The following STARD10 variants were observed in gnomAD, a reference collection of about 807,000 sequenced individuals.
The protein encoded by STARD10 is START domain-containing protein 10.
In STARD10, 24 loss-of-function variants were observed where a neutral mutation model predicts 36.0. The ratio of observed to expected loss-of-function variants is 0.67; its 90% CI spans 0.48 to 0.94. The LOEUF (loss-of-function observed/expected upper bound fraction) is 0.94. Ranked by LOEUF, STARD10 falls within the 40% of genes least tolerant of loss-of-function variation. The pLI, the probability that STARD10 is intolerant of heterozygous loss-of-function variation, is 0.00. For synonymous variants in STARD10, 156 were observed against 161.9 expected (o/e 0.96, Z 0.28); for missense variants, 335 against 396.6 (o/e 0.84, Z 1.32).
At position 72,754,740 on chromosome 11, in the gene STARD10, G is replaced by A. The variant is rs1333861225; in HGVS notation, c.*157C>T. ...AGTGATGAGCCGGCTGAGGCTGTGG[G>A]ATCGTTTATTGGGGCTCTGTCCAGC... is the stretch of plus-strand genomic sequence containing the variant. On this transcript the variant is annotated 3_prime_UTR_variant, in exon 7 of 7. Transcript: ENST00000334805. 8.7e-7 allele frequency: 1 copy of A among 1,142,932 alleles called. No homozygotes were observed. Among genetic ancestry groups the A allele is most frequent in the Non-Finnish European group, 1.3e-6 (1 of 795,158 alleles). The allele number at this position is 1,142,932 out of a possible 1,614,324, so 70.8% of individuals were successfully genotyped here.
Position 72,781,016 on chromosome 11 carries a change from C to T in STARD10, c.166G>A (p.Val56Met). ...GTCCGATCCATCTCCACAGCCTGCACCCAGACAGACACCCCAGCCCTGCTA... is the reference window on the plus strand; with the variant it reads ...GTCCGATCCATCTCCACAGCCTGCATCCAGACAGACACCCCAGCCCTGCTA... Reference protein sequence around the residue: ...TYSRAGVSVWVQAVEMDRTLH... With the variant: ...TYSRAGVSVWMQAVEMDRTLH... Residue 56 changes from valine (V) to methionine (M), a missense_variant, in exon 2 of 7, where the codon GTG becomes ATG. Coordinates refer to ENST00000334805, the MANE Select transcript of STARD10 (RefSeq NM_006645.3). The surrounding 1 kb of genome is among the most constrained non-coding windows in gnomAD (Gnocchi z 4.7). The T allele has an allele frequency of 6.2e-7, 1 of 1,614,178 alleles. No individual in the cohort carries two copies. Among genetic ancestry groups the T allele is most frequent in the Non-Finnish European group, 8.5e-7 (1 of 1,180,030 alleles).
intron 2 of STARD10, among the ~76,000 whole-genome samples, chr11:72,774,759 C>A (rs554196958): frequency 3.9e-5 from 6 of 152,234 alleles, no homozygotes; most frequent in Non-Finnish European, 8.8e-5. Flanking sequence ...ACTGGAACAG[C>A]CCCGCAGAGG....
At chr11:72,773,101 G>C (rs926492439) in intron 2 of STARD10, among the ~76,000 whole-genome samples, 5 of 152,196 alleles carry the variant, frequency 3.3e-5, no homozygotes, top group Non-Finnish European at 7.3e-5. Context: ...AAACAACCGG[G>C]ACAGGAACAA....
At position 72,755,749 on chromosome 11, in the gene STARD10, G is replaced by C. The variant is rs747164170; in HGVS notation, c.582C>G (p.Ser194=). ...TYLAQVDPKG[S]LPKWVVNKSS... ...ATTTATTCACCACCCACTTGGGTAA[G>C]GAGCCTGTGAGGGCAGGGAAGGGAG... The change falls in exon 6 of 7, where the codon TCC becomes TCG. Residue 194 remains serine (S), a synonymous_variant. Transcript: ENST00000334805. The C allele has an allele frequency of 6.2e-7, 1 of 1,612,946 alleles. No individual in the cohort carries two copies. The highest frequency in any genetic ancestry group is 1.1e-5 in the South Asian group (1 of 90,946).
chr11:72,785,365 G>A (rs1859058117), intron 1 of STARD10, among the ~76,000 whole-genome samples: 2 of 151,878 alleles, frequency 1.3e-5, no homozygotes, highest in Admixed American at 1.3e-4. Context: ...AGGAGTTCAA[G>A]ACCAGCCTGG....
intron 2 of STARD10, chr11:72,780,294 C>T (rs534038544): frequency 9.0e-5 from 35 of 389,436 alleles, no homozygotes; most frequent in Admixed American, 4.0e-4. Flanking sequence ...TGGCTGTGAG[C>T]GACTGATGTG....
intron 2 of STARD10, among the ~76,000 whole-genome samples, chr11:72,762,011 C>T (rs1006847770): frequency 1.8e-4 from 26 of 143,086 alleles, no homozygotes; most frequent in African/African-American, 5.2e-4. Flanking sequence ...CCGCAACCTA[C>T]GCCTCCCGGG....
chr11:72,766,432 G>A (rs1206236874), intron 2 of STARD10, among the ~76,000 whole-genome samples: 1 of 152,190 alleles, frequency 6.6e-6, no homozygotes, highest in Non-Finnish European at 1.5e-5. Context: ...GGCTAGGAGA[G>A]GCGAATGCAC....
At chr11:72,756,814 A>G (rs1858650699) in intron 5 of STARD10, among the ~76,000 whole-genome samples, 2 of 139,540 alleles carry the variant, frequency 1.4e-5, no homozygotes, top group African/African-American at 5.8e-5. Flanking sequence ...GAAATGCCAG[A>G]CTCAGGAACT....
intron 5 of STARD10, among the ~76,000 whole-genome samples, chr11:72,756,563 C>G (rs1858647124): frequency 6.6e-6 from 1 of 152,010 alleles, no homozygotes; most frequent in Admixed American, 6.5e-5. Flanking sequence ...GAGGTGACAC[C>G]CACAGCACCC....
chr11:72,768,853 C>T (rs1006195977), intron 2 of STARD10, among the ~76,000 whole-genome samples: 1 of 152,228 alleles, frequency 6.6e-6, no homozygotes, highest in African/African-American at 2.4e-5. Flanking sequence ...CTACAGCAGG[C>T]GCTCAATAAG....
At position 72,759,351 on chromosome 11, in the gene STARD10, CGGCT is replaced by C. The variant is rs1858687659; in HGVS notation, c.234_237del (p.Ala79ArgfsTer29). 1 of 1,613,728 alleles carries C rather than the reference CGGCT, an allele frequency of 6.2e-7. No individual in the cohort carries two copies. Among genetic ancestry groups the C allele is most frequent in the Admixed American group, 1.7e-5 (1 of 59,980 alleles). ...TCGTGTAGGACGTCGTAGAGTGTCT[CGGCT>C]GGCACATCACAGCACTCCATCCGGC... On this transcript the variant is annotated frameshift_variant, in exon 3 of 7. Coordinates refer to ENST00000334805, the MANE Select transcript of STARD10 (RefSeq NM_006645.3). LOFTEE classifies it high-confidence loss of function.
chr11:72,792,072 CAG>C (rs1369924861), intron 1 of STARD10, among the ~76,000 whole-genome samples: 1 of 94,086 alleles, frequency 1.1e-5, no homozygotes, highest in Non-Finnish European at 2.0e-5. Flanking sequence ...TTTTTTGAGA[CAG>C]AGTCTTACTC....
intron 2 of STARD10, among the ~76,000 whole-genome samples, chr11:72,771,193 C>G (rs1375601280): frequency 1.3e-5 from 2 of 152,206 alleles, no homozygotes; most frequent in Non-Finnish European, 2.9e-5. Context: ...GAACTAGGCT[C>G]TGTTCTGTGT....
At chr11:72,759,083 G>A in intron 3 of STARD10, 151 bp downstream of exon 3, 2 of 853,294 alleles carry the variant, frequency 2.3e-6, no homozygotes, top group Admixed American at 4.6e-5. Context: ...TCTAGGAGTG[G>A]ACAGGGAGGG....
intron 2 of STARD10, among the ~76,000 whole-genome samples, chr11:72,776,282 G>A (rs1487132454): frequency 6.6e-6 from 1 of 152,188 alleles, no homozygotes; most frequent in African/African-American, 2.4e-5. Context: ...CACCTGCCCA[G>A]CAACTTCCTG....
intron 2 of STARD10, among the ~76,000 whole-genome samples, chr11:72,762,329 T>C (rs796268398): frequency 1.3e-5 from 2 of 152,150 alleles, no homozygotes; most frequent in Non-Finnish European, 2.9e-5. Flanking sequence ...GCACCCACCA[T>C]GTGCCAGGTA....
intron 1 of STARD10, among the ~76,000 whole-genome samples, chr11:72,788,004 G>A (rs576765719): frequency 2.0e-4 from 31 of 152,300 alleles, no homozygotes; most frequent in African/African-American, 7.5e-4. Flanking sequence ...AGAGGTTTGG[G>A]GGGGGCAGCC....
At chr11:72,773,057 G>A (rs1328363943) in intron 2 of STARD10, among the ~76,000 whole-genome samples, 2 of 152,252 alleles carry the variant, frequency 1.3e-5, no homozygotes, top group African/African-American at 4.8e-5. Flanking sequence ...GGCAGGATGG[G>A]TGGGAGGCAT....
Sources: gnomAD v4.1 joint callset for allele counts (sites outside exome capture counted in the v4.1 genomes callset) on GRCh38, gnomAD v4.1.1 for gene constraint, Gnocchi (gnomAD v3.1) non-coding constraint, MANE v1.5 for transcripts, NCBI Gene and HGNC (gene_info 2026-07-23, HGNC 2026-07-21) for gene names.